ZNF3: variants seen among roughly 807,000 people sequenced by gnomAD.
The protein encoded by ZNF3 is C2-H2 type zinc finger protein.
ZNF3 carries 16 observed loss-of-function variants against 36.9 expected under a neutral mutation model. That is an observed-to-expected ratio of 0.43 (90% CI 0.29 to 0.66). The LOEUF (loss-of-function observed/expected upper bound fraction) is 0.66. Ranked by LOEUF, ZNF3 falls within the 30% of genes least tolerant of loss-of-function variation. The pLI is 0.13. For synonymous variants in ZNF3, 201 were observed against 201.9 expected (o/e 1.00, Z 0.04); for missense variants, 462 against 543.1 (o/e 0.85, Z 1.48).
intron 1 of ZNF3, 30 bp from the exon 2 acceptor site, chr7:100,079,686 T>C (rs1453497751): frequency 6.6e-6 from 1 of 152,118 alleles, no homozygotes; most frequent in Non-Finnish European, 1.5e-5. Flanking sequence ...AAAAGGAATT[T>C]AAAATATTCA....
chr7:100,077,277 AGAAT>A, intron 3 of ZNF3, 22 bp downstream of exon 3: 1 of 1,613,730 alleles, frequency 6.2e-7, no homozygotes, highest in Non-Finnish European at 8.5e-7. Flanking sequence ...ACTGAGTAAA[AGAAT>A]GAATGAGTCC....
intron 3 of ZNF3, 175 bp downstream of exon 3, chr7:100,077,128 C>A (rs1439217538): frequency 3.0e-6 from 2 of 674,914 alleles, no homozygotes; most frequent in Non-Finnish European, 5.1e-6. Context: ...ATCAAGCTGT[C>A]ATTGATTACT....
At chr7:100,066,711 TG>T, downstream of ZNF3, among the ~76,000 whole-genome samples, 1 of 151,434 alleles carries the variant, frequency 6.6e-6, no homozygotes, top group South Asian at 2.1e-4. Context: ...CACTCCAGCC[TG>T]GGCAACACAG....
Position 100,070,152 on chromosome 7 carries a change from TTTTTTG to T in ZNF3, c.*985_*990del, listed in dbSNP as rs1361561943. 6.2e-6 allele frequency: 6 copies of T among 966,390 alleles called. No individual in the cohort carries two copies. The Admixed American group carries it at 3.1e-4, about 50-fold the overall frequency. The allele number at this position is 966,390 out of a possible 1,614,324, so 59.9% of individuals were successfully genotyped here. A position where few individuals can be genotyped will look rare whatever the true frequency, so the allele number is the denominator to read the frequency against. Reference sequence around the variant, plus strand: ...ACAGCCTGCCTTCTCTGGGCTTCGTTTTTTTGTTTTTTTGTTTTTTTTTTCTCCCTT... The same window carrying T: ...ACAGCCTGCCTTCTCTGGGCTTCGTTTTTTTTTGTTTTTTTTTTCTCCCTT... On this transcript the variant is annotated 3_prime_UTR_variant, in exon 6 of 6. Coordinates refer to ENST00000299667, the MANE Select transcript of ZNF3 (RefSeq NM_032924.5).
At position 100,070,273 on chromosome 7, in the gene ZNF3, C is replaced by CA. The variant is rs1256064272; in HGVS notation, c.*869dup. 2.1e-5 allele frequency: 21 copies of CA among 985,214 alleles called. No individual in the cohort carries two copies. Among genetic ancestry groups the CA allele is most frequent in the Non-Finnish European group, 2.5e-5 (21 of 830,054 alleles). The allele number at this position is 985,214 out of a possible 1,614,324, so 61.0% of individuals were successfully genotyped here. ...TGGTCTGGCTCCTGGGGCTGGGTGT[C>CA]AGAGGTGAGAGGGCAGGGCAAGCAG... is the stretch of plus-strand genomic sequence containing the variant. On this transcript the variant is annotated 3_prime_UTR_variant, in exon 6 of 6. Coordinates refer to ENST00000299667, the MANE Select transcript of ZNF3 (RefSeq NM_032924.5).
At chr7:100,076,745 T>C (rs766241670) in intron 3 of ZNF3, among the ~76,000 whole-genome samples, 1 of 152,136 alleles carries the variant, frequency 6.6e-6, no homozygotes, top group Non-Finnish European at 1.5e-5. Context: ...AATGGAATGA[T>C]TGACACGGTT....
downstream of ZNF3, among the ~76,000 whole-genome samples, chr7:100,065,463 T>C (rs1485856469): frequency 6.6e-6 from 1 of 151,542 alleles, no homozygotes; most frequent in African/African-American, 2.4e-5. Context: ...CACTAGATAA[T>C]AACTGCATAC....
chr7:100,077,381 C>T lies in ZNF3; in HGVS notation c.-24G>A, dbSNP rs1562876617. 1.2e-6 allele frequency: 2 copies of T among 1,613,516 alleles called. No homozygotes were observed. The highest frequency in any genetic ancestry group is 8.5e-7 in the Non-Finnish European group (1 of 1,179,920). ...ATGGAAGGGCAAGGTGCTCTCTGGT[C>T]TCCTGGGTGCAGACTCAGCGGGAAG... On this transcript the variant is annotated 5_prime_UTR_variant, in exon 3 of 6. Transcript: ENST00000299667.
intron 3 of ZNF3, 58 bp downstream of exon 3, chr7:100,077,245 T>G: frequency 6.2e-7 from 1 of 1,609,692 alleles, no homozygotes; most frequent in Non-Finnish European, 8.5e-7. Flanking sequence ...AGTGAGCGAT[T>G]TCAATGGATG....
At chr7:100,079,968 G>A (rs1467665452) in intron 1 of ZNF3, among the ~76,000 whole-genome samples, 1 of 152,034 alleles carries the variant, frequency 6.6e-6, no homozygotes, top group Admixed American at 6.6e-5. Context: ...CTCCCAAAGT[G>A]CTGGGATTAC....
chr7:100,076,117 C>T (rs1464081523), intron 3 of ZNF3, among the ~76,000 whole-genome samples: 2 of 149,462 alleles, frequency 1.3e-5, no homozygotes, highest in Non-Finnish European at 3.0e-5. Flanking sequence ...GGATTACAGT[C>T]GTGTGCCACT....
chr7:100,075,727 G>A (rs1479537428), intron 3 of ZNF3, 97 bp from the exon 4 acceptor site: 6 of 1,049,492 alleles, frequency 5.7e-6, no homozygotes, highest in Middle Eastern at 2.0e-4. Context: ...CGGGGTCCTG[G>A]GACAACACAG....
intron 1 of ZNF3, among the ~76,000 whole-genome samples, chr7:100,080,960 T>C (rs1036321731): frequency 8.5e-5 from 13 of 152,232 alleles, no homozygotes; most frequent in Non-Finnish European, 1.9e-4. Context: ...CCCATCGGTT[T>C]CAGGTTCATC....
intron 5 of ZNF3, among the ~76,000 whole-genome samples, chr7:100,072,624 G>T (rs549211384): frequency 2.0e-5 from 3 of 152,178 alleles, no homozygotes; most frequent in African/African-American, 2.4e-5. Flanking sequence ...GTGAGAAAAG[G>T]GGGGAAGGGT....
rs1268588695 is a variant in ZNF3, at chr7:100,081,391, G to A, written c.-198+244C>T. On this transcript the variant is annotated intron_variant, in intron 1 of 5. Coordinates refer to ENST00000299667, the MANE Select transcript of ZNF3 (RefSeq NM_032924.5). The surrounding 1 kb of genome is among the most constrained non-coding windows in gnomAD (Gnocchi z 4.3). ...TTTTAAACGCTCCAGCTGGGTCGCC[G>A]TTAAAGTCACAAAACCAGAACCGGA... 6.6e-6 allele frequency among the ~76,000 whole-genome samples: 1 copy of A among 152,236 alleles called. No individual in the cohort carries two copies. Among genetic ancestry groups the A allele is most frequent in the East Asian group, 1.9e-4 (1 of 5,206 alleles).
At position 100,081,529 on chromosome 7, in the gene ZNF3, G is replaced by A. The variant is rs1027602068; in HGVS notation, c.-198+106C>T. ...GGGGCGCCTCCCCGAACCCTGCTCC[G>A]GGCCGGCCGGGGGACCCTGCGGGCC... On this transcript the variant is annotated intron_variant, in intron 1 of 5. Transcript: ENST00000299667. The surrounding 1 kb of genome is among the most constrained non-coding windows in gnomAD (Gnocchi z 4.3). The A allele has an allele frequency of 1.3e-5, 2 of 152,414 alleles. No individual in the cohort carries two copies. Among genetic ancestry groups the A allele is most frequent in the African/African-American group, 4.8e-5 (2 of 41,462 alleles). 9.4% of individuals were successfully genotyped at this position (152,414 alleles called of 1,614,324 possible). A position where few individuals can be genotyped will look rare whatever the true frequency, so the allele number is the denominator to read the frequency against.
chr7:100,077,649 G>A (rs1794337767), intron 2 of ZNF3: 1 of 252,922 alleles, frequency 4.0e-6, no homozygotes, highest in African/African-American at 2.2e-5. Context: ...TGGAACTCCT[G>A]GGCTCAAGCT....
chr7:100,065,360 G>T (rs1377639602), downstream of ZNF3, among the ~76,000 whole-genome samples: 1 of 151,638 alleles, frequency 6.6e-6, no homozygotes, highest in Admixed American at 6.6e-5. Context: ...GGAGGCAGAG[G>T]TTGCAGTGAG....
chr7:100,080,770 C>T (rs1271112059), intron 1 of ZNF3, among the ~76,000 whole-genome samples: 1 of 152,166 alleles, frequency 6.6e-6, no homozygotes, highest in East Asian at 1.9e-4. Context: ...CGAGATCGCG[C>T]CACTGCACTC....
Sources: gnomAD v4.1 joint callset for allele counts (sites outside exome capture counted in the v4.1 genomes callset) on GRCh38, gnomAD v4.1.1 for gene constraint, Gnocchi (gnomAD v3.1) non-coding constraint, MANE v1.5 for transcripts, NCBI Gene and HGNC (gene_info 2026-07-23, HGNC 2026-07-21) for gene names.